Variants in EPM2A observed in about 807,000 individuals in gnomAD.
EPM2A encodes laforin.
Under a neutral mutation model 26.5 loss-of-function variants are expected in EPM2A, and 21 were observed. The ratio of observed to expected loss-of-function variants is 0.79; its 90% CI spans 0.56 to 1.14. The LOEUF (loss-of-function observed/expected upper bound fraction) is 1.14, where lower values mean the gene tolerates loss of function less well. Ranked by LOEUF, EPM2A falls within the 50% of genes most tolerant of loss-of-function variation. The pLI is 0.00. For missense variants in EPM2A, 458 were observed against 440.8 expected (o/e 1.04, Z -0.35); for synonymous variants, 217 against 177.6 (o/e 1.22, Z -1.76).
intron 4 of EPM2A, among the ~76,000 whole-genome samples, chr6:145,437,906 A>G (rs1779009650): frequency 6.6e-6 from 1 of 152,360 alleles, no homozygotes; most frequent in African/African-American, 2.4e-5. Flanking sequence ...TTTTAAACCT[A>G]CACTGAAAAT....
intron 4 of EPM2A, among the ~76,000 whole-genome samples, chr6:145,410,128 C>T (rs78264924): frequency 0.014 from 2,181 of 152,200 alleles, 38 homozygotes; most frequent in South Asian, 0.069. Context: ...ATAACACAAT[C>T]GGGTATCCAA....
chr6:145,384,972 A>G (rs1272065134), intron 4 of EPM2A, among the ~76,000 whole-genome samples: 1 of 148,050 alleles, frequency 6.8e-6, no homozygotes. Flanking sequence ...AATTGAGAAT[A>G]CAAAGAAAAA....
At chr6:145,629,905 G>T (rs930966972) in intron 3 of EPM2A, 3 of 152,264 alleles carry the variant, frequency 2.0e-5, no homozygotes, top group Non-Finnish European at 4.4e-5. Context: ...CTGGCACTCG[G>T]TGCATACAAC....
intron 4 of EPM2A, among the ~76,000 whole-genome samples, chr6:145,407,362 G>A (rs539917210): frequency 9.2e-5 from 14 of 152,222 alleles, no homozygotes; most frequent in Non-Finnish European, 1.6e-4. Context: ...CTACAACTAA[G>A]AGACTCCTGT....
rs189509094 is a variant in EPM2A at position 145,658,412 on chromosome 6, C to A, written c.477-22926G>T. Among the ~76,000 whole-genome samples the A allele has an allele frequency of 2.9e-4, 44 of 152,282 alleles. 1 individual carries two copies. Among genetic ancestry groups the A allele is most frequent in the African/African-American group, 9.1e-4 (38 of 41,564 alleles). Reference sequence around the variant, plus strand: ...TCCTAAACTCATTATTTCTGTCTCTCATTACTATTACTAGAACTCTGAGAC... The same window carrying A: ...TCCTAAACTCATTATTTCTGTCTCTAATTACTATTACTAGAACTCTGAGAC... On this transcript the variant is annotated intron_variant, in intron 2 of 3. Transcript: ENST00000367519.
chr6:145,556,162 T>C lies in EPM2A; in HGVS notation c.341-53587A>G, dbSNP rs887548758. Among the ~76,000 whole-genome samples the C allele has an allele frequency of 3.3e-5, 5 of 152,302 alleles. No homozygotes were observed. In the East Asian group the frequency reaches 9.7e-4, roughly 29 times the overall value. ...CCATGACTGTATTTTTAAGAAATAA[T>C]ACTTTTGTGAATAGAACACATGATA... On this transcript the variant is annotated intron_variant, in intron 2 of 3. Coordinates refer to the EPM2A transcript ENST00000450221.
downstream of EPM2A, among the ~76,000 whole-genome samples, chr6:145,623,303 G>A (rs1201617114): frequency 6.6e-6 from 1 of 152,220 alleles, no homozygotes; most frequent in African/African-American, 2.4e-5. Context: ...ATAAAGCAGA[G>A]ACTGTGGATT....
At chr6:145,465,289 C>T (rs1779374354) in intron 4 of EPM2A, among the ~76,000 whole-genome samples, 1 of 151,124 alleles carries the variant, frequency 6.6e-6, no homozygotes. Context: ...GCATTCTTCA[C>T]GTAGTTCTCG....
intron 2 of EPM2A, chr6:145,637,878 T>G (rs930016733): frequency 6.6e-6 from 1 of 152,252 alleles, no homozygotes; most frequent in Admixed American, 6.5e-5. Flanking sequence ...CAAAGATCCC[T>G]TACCCAGGGA....
intron 2 of EPM2A, among the ~76,000 whole-genome samples, chr6:145,598,473 A>C (rs1354355173): frequency 6.6e-6 from 1 of 152,174 alleles, no homozygotes; most frequent in Non-Finnish European, 1.5e-5. Flanking sequence ...AATATCTATA[A>C]GATAGTAAAA....
intron 2 of EPM2A, among the ~76,000 whole-genome samples, chr6:145,586,242 C>G (rs1271292472): frequency 6.6e-6 from 1 of 152,182 alleles, no homozygotes; most frequent in African/African-American, 2.4e-5. Context: ...TTGAAAATCA[C>G]TTTTCCATAT....
At chr6:145,561,279 C>T (rs1780801126) in intron 2 of EPM2A, among the ~76,000 whole-genome samples, 1 of 151,710 alleles carries the variant, frequency 6.6e-6, no homozygotes, top group Non-Finnish European at 1.5e-5. Context: ...ACCATAGAGC[C>T]TAGGTATGTA....
chr6:145,627,307 G>A lies in EPM2A; in HGVS notation c.*109C>T. 6.3e-7 allele frequency: 1 copy of A among 1,592,388 alleles called. No individual in the cohort carries two copies. Among genetic ancestry groups the A allele is most frequent in the Non-Finnish European group, 8.5e-7 (1 of 1,175,652 alleles). On this transcript the variant is annotated 3_prime_UTR_variant, in exon 4 of 4. Coordinates refer to ENST00000367519, the MANE Select transcript of EPM2A (RefSeq NM_005670.4). The stretch of plus-strand genomic sequence containing the variant: ...GGTGAAAGTGGTTGGCTTGGGGGAG[G>A]TCACACAGTCCTTTCAGTTCAGGTA...
chr6:145,419,849 C>A (rs1171582205), intron 4 of EPM2A, among the ~76,000 whole-genome samples: 1 of 151,746 alleles, frequency 6.6e-6, no homozygotes, highest in Non-Finnish European at 1.5e-5. Context: ...ATGAATGATA[C>A]AAATAATAGT....
intron 4 of EPM2A, among the ~76,000 whole-genome samples, chr6:145,405,256 C>T (rs574733147): frequency 1.3e-5 from 2 of 152,240 alleles, no homozygotes; most frequent in East Asian, 3.9e-4. Context: ...TTTTTATATA[C>T]AAGTTGTTAG....
chr6:145,686,072 T>C (rs1780882650), intron 2 of EPM2A, 50 bp downstream of exon 2: 4 of 1,514,646 alleles, frequency 2.6e-6, no homozygotes, highest in Non-Finnish European at 3.7e-6. Flanking sequence ...ATTGTGCTAA[T>C]GCTATCTCTT....
chr6:145,462,702 C>G (rs1023893743), intron 4 of EPM2A, among the ~76,000 whole-genome samples: 2 of 152,160 alleles, frequency 1.3e-5, no homozygotes, highest in South Asian at 2.1e-4. Context: ...CAGTCTTCCT[C>G]TTACTTGCCA....
intron 1 of EPM2A, among the ~76,000 whole-genome samples, chr6:145,708,538 C>T (rs964330192): frequency 5.3e-5 from 8 of 152,300 alleles, no homozygotes; most frequent in African/African-American, 1.2e-4. Flanking sequence ...AAGCCCAAAG[C>T]ACTGGCAGCT....
At chr6:145,577,023 TACAC>T (rs1426656845) in intron 2 of EPM2A, among the ~76,000 whole-genome samples, 2 of 150,232 alleles carry the variant, frequency 1.3e-5, no homozygotes, top group African/African-American at 4.9e-5. Context: ...CTATACTAGA[TACAC>T]ACACACAAAA....
Sources: gnomAD v4.1 joint callset for allele counts (sites outside exome capture counted in the v4.1 genomes callset) on GRCh38, gnomAD v4.1.1 for gene constraint, MANE v1.5 for transcripts, NCBI Gene and HGNC (gene_info 2026-07-23, HGNC 2026-07-21) for gene names.